The following CYS1 variants were observed in gnomAD, a reference collection of about 807,000 sequenced individuals.
CYS1 encodes the protein cystin-1.
CYS1 carries 5 observed loss-of-function variants against 9.6 expected under a neutral mutation model. That is an observed-to-expected ratio of 0.52 (90% CI 0.27 to 1.10). The LOEUF is 1.10. Ranked by LOEUF, CYS1 falls within the 50% of genes least tolerant of loss-of-function variation. The pLI, the probability that CYS1 is intolerant of heterozygous loss-of-function variation, is 0.11. For missense variants in CYS1, 221 were observed against 207.9 expected (o/e 1.06, Z -0.39); for synonymous variants, 88 against 95.7 (o/e 0.92, Z 0.47).
chr2:10,080,329 G>T lies in CYS1; in HGVS notation c.-106C>A. 4.3e-6 allele frequency: 3 copies of T among 695,084 alleles called. No individual in the cohort carries two copies. The highest frequency in any genetic ancestry group is 3.9e-5 in the African/African-American group (2 of 51,366). 43.1% of individuals were successfully genotyped at this position (695,084 alleles called of 1,614,324 possible). Reference sequence around the variant, plus strand: ...GCCGGGGCGGGCTGCAGGGGGAGGCGCGGGGCGAGGTCCGGGAAGCGACCG... The same window carrying T: ...GCCGGGGCGGGCTGCAGGGGGAGGCTCGGGGCGAGGTCCGGGAAGCGACCG... On this transcript the variant is annotated 5_prime_UTR_variant, in exon 1 of 3. Transcript: ENST00000381813. The surrounding 1 kb of genome is among the most constrained non-coding windows in gnomAD (Gnocchi z 6.4).
chr2:10,075,288 C>T (rs980479632), intron 1 of CYS1, among the ~76,000 whole-genome samples: 5 of 152,256 alleles, frequency 3.3e-5, no homozygotes, highest in Non-Finnish European at 7.3e-5. Flanking sequence ...CACGCCTCCA[C>T]GTGTGCAGAC....
Position 10,058,905 on chromosome 2 carries a change from T to C in CYS1, c.425A>G (p.Asp142Gly). ...KPERPAAISY[D>G]HSEEGLMASI... ...CGCCATCAGCCCCTCTTCCGAGTGG[T>C]CGTAGGAGATGGCTGCCGGCCTCTC... is the stretch of plus-strand genomic sequence containing the variant. Residue 142 changes from aspartate (D) to glycine (G), a missense_variant, in exon 3 of 3, where the codon GAC becomes GGC. By Grantham distance (94) the Asp-to-Gly change is moderately conservative (BLOSUM62 -1). Transcript: ENST00000381813. 6.3e-7 allele frequency: 1 copy of C among 1,595,960 alleles called. No individual in the cohort carries two copies. Among genetic ancestry groups the C allele is most frequent in the South Asian group, 1.1e-5 (1 of 87,888 alleles).
At chr2:10,068,332 T>G (rs1429815125) in intron 1 of CYS1, among the ~76,000 whole-genome samples, 3 of 152,222 alleles carry the variant, frequency 2.0e-5, no homozygotes, top group Non-Finnish European at 2.9e-5. Flanking sequence ...TCTTGTTTCT[T>G]CTAAGTCTTC....
intron 1 of CYS1, among the ~76,000 whole-genome samples, chr2:10,079,572 C>A (rs1346185877): frequency 6.6e-6 from 1 of 152,068 alleles, no homozygotes; most frequent in Non-Finnish European, 1.5e-5. Flanking sequence ...GCCGTGCCAC[C>A]ACCGCCGGCG....
At position 10,056,649 on chromosome 2, in the gene CYS1, TGAG is replaced by T. The variant is rs970504867; in HGVS notation, c.*2201_*2203del. 2 of 152,284 alleles carry T rather than the reference TGAG, an allele frequency of 1.3e-5. No individual in the cohort carries two copies. The highest frequency in any genetic ancestry group is 4.8e-5 in the African/African-American group (2 of 41,472). 9.4% of individuals were successfully genotyped at this position (152,284 alleles called of 1,614,324 possible). ...AACATGGGGCAGCCAGGAAGATGCC[TGAG>T]GAGGTGCCAGGCACACAGGAGGCAC... is the stretch of plus-strand genomic sequence containing the variant. On this transcript the variant is annotated 3_prime_UTR_variant, in exon 3 of 3. Transcript: ENST00000381813.
chr2:10,061,830 A>G (rs1389269907), intron 2 of CYS1, among the ~76,000 whole-genome samples: 1 of 152,210 alleles, frequency 6.6e-6, no homozygotes, highest in Non-Finnish European at 1.5e-5. Context: ...TTAGAGAGCC[A>G]GGTGGGGCCA....
intron 1 of CYS1, among the ~76,000 whole-genome samples, chr2:10,070,213 G>A (rs1188727964): frequency 6.6e-6 from 1 of 152,186 alleles, no homozygotes; most frequent in African/African-American, 2.4e-5. Flanking sequence ...TCCGGGCCTT[G>A]GTGTACTTGG....
Position 10,077,315 on chromosome 2 carries a change from C to T in CYS1, c.318+2591G>A, listed in dbSNP as rs1011838872. Among the ~76,000 whole-genome samples, 3 of 152,142 alleles carry T rather than the reference C, an allele frequency of 2.0e-5. No homozygotes were observed. In the South Asian group the frequency reaches 6.2e-4, roughly 32 times the overall value. On this transcript the variant is annotated intron_variant, in intron 1 of 2. Coordinates refer to ENST00000381813, the MANE Select transcript of CYS1 (RefSeq NM_001037160.3). ...TCAAAAAACAAAAACAAAAACAAAACATAATATTCAGAATGATGATTCAGG... is the reference window on the plus strand; with the variant it reads ...TCAAAAAACAAAAACAAAAACAAAATATAATATTCAGAATGATGATTCAGG...
chr2:10,079,755 C>T, intron 1 of CYS1, 151 bp downstream of exon 1: 1 of 374,680 alleles, frequency 2.7e-6, no homozygotes, highest in Non-Finnish European at 3.9e-6. Context: ...CCTGGGGGCC[C>T]AGGGGCGGGG....
At chr2:10,070,578 T>G (rs1042746512) in intron 1 of CYS1, among the ~76,000 whole-genome samples, 3 of 152,126 alleles carry the variant, frequency 2.0e-5, no homozygotes, top group African/African-American at 4.8e-5. Flanking sequence ...ACTCCTGACC[T>G]CAAGTGATCC....
chr2:10,060,631 C>G (rs1282480393), intron 2 of CYS1, among the ~76,000 whole-genome samples: 1 of 152,204 alleles, frequency 6.6e-6, no homozygotes, highest in African/African-American at 2.4e-5. Context: ...GCCTGCAGGG[C>G]TCTTGGCACA....
At chr2:10,067,823 T>C (rs911107436) in intron 1 of CYS1, among the ~76,000 whole-genome samples, 1 of 152,218 alleles carries the variant, frequency 6.6e-6, no homozygotes, top group African/African-American at 2.4e-5. Context: ...CTGGGAATAA[T>C]GGCCATTTGA....
At chr2:10,075,060 C>T (rs1190478284) in intron 1 of CYS1, among the ~76,000 whole-genome samples, 1 of 151,712 alleles carries the variant, frequency 6.6e-6, no homozygotes, top group African/African-American at 2.4e-5. Flanking sequence ...TGCAGTGAGC[C>T]GAGAATGCGC....
At chr2:10,072,775 C>T (rs1369650109) in intron 1 of CYS1, among the ~76,000 whole-genome samples, 1 of 152,240 alleles carries the variant, frequency 6.6e-6, no homozygotes. Flanking sequence ...GTTCTCCCCA[C>T]ACAGAGGCCA....
chr2:10,067,500 C>T (rs1661714272), intron 1 of CYS1, among the ~76,000 whole-genome samples: 1 of 151,290 alleles, frequency 6.6e-6, no homozygotes, highest in African/African-American at 2.4e-5. Context: ...CTCCACCTCC[C>T]AGGCTCAAGC....
At chr2:10,079,406 G>A (rs1328111478) in intron 1 of CYS1, among the ~76,000 whole-genome samples, 5 of 152,220 alleles carry the variant, frequency 3.3e-5, no homozygotes, top group Non-Finnish European at 5.9e-5. Context: ...AGAACAGCAG[G>A]ACTGTTATTA....
At chr2:10,070,348 AT>A (rs1400112746) in intron 1 of CYS1, among the ~76,000 whole-genome samples, 2 of 151,702 alleles carry the variant, frequency 1.3e-5, no homozygotes, top group Non-Finnish European at 2.9e-5. Flanking sequence ...TTTTATTTTT[AT>A]TTTTCACTTT....
intron 1 of CYS1, among the ~76,000 whole-genome samples, chr2:10,068,382 C>A (rs1198025765): frequency 6.6e-6 from 1 of 152,150 alleles, no homozygotes; most frequent in Non-Finnish European, 1.5e-5. Context: ...TTGTCATTGG[C>A]AGCTTGTCAT....
chr2:10,069,080 A>G (rs1208888753), intron 1 of CYS1, among the ~76,000 whole-genome samples: 4 of 152,058 alleles, frequency 2.6e-5, no homozygotes, highest in Admixed American at 1.3e-4. Context: ...AAAAAATTAA[A>G]TTTTAAAAAA....
Sources: allele counts gnomAD v4.1 joint callset (sites outside exome capture counted in the v4.1 genomes callset), GRCh38; gene constraint gnomAD v4.1.1; non-coding constraint Gnocchi (gnomAD v3.1); transcripts MANE v1.5; gene names NCBI Gene and HGNC (gene_info 2026-07-23, HGNC 2026-07-21).